ARHGAP6: variants seen among roughly 807,000 people sequenced by gnomAD.
The protein encoded by ARHGAP6 is rho GTPase-activating protein 6.
ARHGAP6 carries 16 observed loss-of-function variants against 55.7 expected under a neutral mutation model. That is an observed-to-expected ratio of 0.29 (90% CI 0.19 to 0.44). The LOEUF (loss-of-function observed/expected upper bound fraction) is 0.44. Ranked by LOEUF, ARHGAP6 falls within the 20% of genes least tolerant of loss-of-function variation. The pLI is 1.00. For missense variants in ARHGAP6, 698 were observed against 808.9 expected (o/e 0.86, Z 1.66); for synonymous variants, 382 against 360.9 (o/e 1.06, Z -0.66).
At chrX:11,426,960 A>G (rs909730099) in intron 1 of ARHGAP6, among the ~76,000 whole-genome samples, 5 of 109,750 alleles carry the variant, frequency 4.6e-5, no homozygotes, top group Non-Finnish European at 9.5e-5. Flanking sequence ...AGGGAGGGGG[A>G]AGGTACGACA....
chrX:11,553,598 A>T (rs2051292348), intron 1 of ARHGAP6, among the ~76,000 whole-genome samples: 1 of 111,924 alleles, frequency 8.9e-6, no homozygotes, highest in Non-Finnish European at 1.9e-5. Context: ...TACAGGAAAT[A>T]GTCCTTTTCT....
chrX:11,407,389 G>A (rs1218816334), intron 1 of ARHGAP6, among the ~76,000 whole-genome samples: 5 of 112,359 alleles, frequency 4.5e-5, no homozygotes, highest in African/African-American at 1.6e-4. Flanking sequence ...TTGTTTATCT[G>A]TTAATCAGTT....
At chrX:11,404,889 T>C (rs979123936) in intron 1 of ARHGAP6, among the ~76,000 whole-genome samples, 3 of 111,959 alleles carry the variant, frequency 2.7e-5, no homozygotes, top group African/African-American at 9.8e-5. Context: ...GACATTTTCA[T>C]GTCTTTTAAA....
intron 1 of ARHGAP6, among the ~76,000 whole-genome samples, chrX:11,623,898 A>G (rs895810944): frequency 1.8e-5 from 2 of 111,661 alleles, no homozygotes; most frequent in African/African-American, 6.5e-5. Flanking sequence ...GTATGCAACC[A>G]CAATAGAAAA....
intron 1 of ARHGAP6, among the ~76,000 whole-genome samples, chrX:11,391,303 G>T (rs1032369877): frequency 9.0e-6 from 1 of 110,606 alleles, no homozygotes; most frequent in African/African-American, 3.3e-5. Context: ...ATCACACACC[G>T]GGGCCTGTTG....
chrX:11,275,565 C>G, intron 1 of ARHGAP6, among the ~76,000 whole-genome samples: 1 of 111,764 alleles, frequency 8.9e-6, no homozygotes, highest in Middle Eastern at 4.6e-3. Context: ...CCAGCACTTC[C>G]ACACTCTTGT....
intron 1 of ARHGAP6, among the ~76,000 whole-genome samples, chrX:11,453,221 G>GTAT (rs2050160760): frequency 1.1e-5 from 1 of 94,253 alleles, no homozygotes. Flanking sequence ...ATATATATAT[G>GTAT]CTATATATAT....
intron 1 of ARHGAP6, among the ~76,000 whole-genome samples, chrX:11,262,126 C>T (rs758826143): frequency 2.9e-3 from 324 of 111,633 alleles, no homozygotes; most frequent in South Asian, 5.6e-3. Context: ...TATTTTTCTA[C>T]GTATTATACA....
intron 1 of ARHGAP6, among the ~76,000 whole-genome samples, chrX:11,464,362 T>G (rs956805335): frequency 8.9e-6 from 1 of 112,341 alleles, no homozygotes; most frequent in Non-Finnish European, 1.9e-5. Context: ...TTTTTCTGAC[T>G]TTCTGAAGCA....
At chrX:11,632,603 C>T (rs1435299827) in intron 1 of ARHGAP6, among the ~76,000 whole-genome samples, 2 of 112,209 alleles carry the variant, frequency 1.8e-5, no homozygotes, top group African/African-American at 6.5e-5. Flanking sequence ...AATTATAACT[C>T]CCACAGATTC....
At chrX:11,188,528 G>T (rs2046414536) in intron 4 of ARHGAP6, among the ~76,000 whole-genome samples, 200 bp downstream of exon 4, 1 of 112,383 alleles carries the variant, frequency 8.9e-6, no homozygotes, top group Admixed American at 9.4e-5. Context: ...ACACCCAACA[G>T]CTTCAAGAGG....
At chrX:11,205,176 A>T (rs1172259172) in intron 2 of ARHGAP6, among the ~76,000 whole-genome samples, 1 of 110,435 alleles carries the variant, frequency 9.1e-6, no homozygotes, top group Non-Finnish European at 1.9e-5. Flanking sequence ...CCTAGAAAGT[A>T]CCTCTTTACT....
intron 9 of ARHGAP6, among the ~76,000 whole-genome samples, chrX:11,163,919 T>C (rs1440085127): frequency 9.1e-6 from 1 of 109,536 alleles, no homozygotes; most frequent in Non-Finnish European, 2.0e-5. Flanking sequence ...GGCAACAGGT[T>C]AAAGGGAGTG....
chrX:11,590,541 T>C (rs769959796), intron 1 of ARHGAP6, among the ~76,000 whole-genome samples: 1 of 107,481 alleles, frequency 9.3e-6, no homozygotes, highest in South Asian at 4.0e-4. Context: ...ATCCCAGCAC[T>C]TTGGAAGGCC....
chrX:11,576,397 GA>G (rs1474437999), intron 1 of ARHGAP6, among the ~76,000 whole-genome samples: 2 of 111,929 alleles, frequency 1.8e-5, no homozygotes, highest in East Asian at 5.6e-4. Flanking sequence ...GACTAGTGAA[GA>G]AAAAAGTGCT....
At chrX:11,540,112 G>C (rs1266244873) in intron 1 of ARHGAP6, among the ~76,000 whole-genome samples, 1 of 109,575 alleles carries the variant, frequency 9.1e-6, no homozygotes, top group Non-Finnish European at 1.9e-5. Flanking sequence ...AAATTAGCCA[G>C]GCATGGTGGC....
chrX:11,374,143 C>T (rs1317289096), intron 1 of ARHGAP6, among the ~76,000 whole-genome samples: 2 of 111,827 alleles, frequency 1.8e-5, no homozygotes, highest in East Asian at 5.6e-4. Flanking sequence ...CACAGAAGCA[C>T]TATGGCCTAG....
chrX:11,168,739 C>G (rs2046049269), intron 9 of ARHGAP6, among the ~76,000 whole-genome samples: 1 of 111,773 alleles, frequency 8.9e-6, no homozygotes, highest in Non-Finnish European at 1.9e-5. Context: ...TTTTGACATG[C>G]AATATTAGTG....
At chrX:11,311,008 G>A (rs2048293776) in intron 1 of ARHGAP6, among the ~76,000 whole-genome samples, 2 of 112,072 alleles carry the variant, frequency 1.8e-5, no homozygotes, top group African/African-American at 6.5e-5. Context: ...CAGTTCAGTG[G>A]GTTTTTCATA....
Sources: gnomAD v4.1 joint callset for allele counts (sites outside exome capture counted in the v4.1 genomes callset) on GRCh38, gnomAD v4.1.1 for gene constraint, MANE v1.5 for transcripts, NCBI Gene and HGNC (gene_info 2026-07-23, HGNC 2026-07-21) for gene names.